The following TENM4 variants were observed in gnomAD, a reference collection of about 807,000 sequenced individuals.
TENM4 encodes the protein teneurin transmembrane protein 4.
In TENM4, 82 loss-of-function variants were observed where a neutral mutation model predicts 243.3. The ratio of observed to expected loss-of-function variants is 0.34; its 90% confidence interval spans 0.28 to 0.40. TENM4 has a LOEUF of 0.40. Ranked by LOEUF, TENM4 falls within the 10% of genes least tolerant of loss-of-function variation. The pLI is 1.00. For missense variants in TENM4, 3,138 were observed against 3,673.3 expected (o/e 0.85, Z 3.77); for synonymous variants, 1,412 against 1,456.3 (o/e 0.97, Z 0.69).
intron 3 of TENM4, among the ~76,000 whole-genome samples, chr11:79,207,819 T>C (rs145969055): frequency 5.1e-4 from 73 of 142,978 alleles, no homozygotes; most frequent in African/African-American, 2.0e-3. Flanking sequence ...TGAACAGAGA[T>C]TGTGTCACTG....
chr11:79,394,304 G>A lies in TENM4; in HGVS notation c.-321+46205C>T, dbSNP rs1858296578. Among the ~76,000 whole-genome samples, 3 of 152,288 alleles carry A rather than the reference G, an allele frequency of 2.0e-5. No homozygotes were observed. In the South Asian group the frequency reaches 6.2e-4, roughly 32 times the overall value. On this transcript the variant is annotated intron_variant, in intron 1 of 33. Transcript: ENST00000278550. ...GCCCTGTGGGGATGTGAGGAGGGTG[G>A]CATGCCTACCCCCGCATCCCAGCAG...
chr11:78,852,652 C>T (rs913251250), intron 12 of TENM4, among the ~76,000 whole-genome samples: 7 of 152,210 alleles, frequency 4.6e-5, no homozygotes, highest in African/African-American at 1.7e-4. Flanking sequence ...CACTGCACTC[C>T]GGCCCAGGCA....
intron 4 of TENM4, among the ~76,000 whole-genome samples, chr11:79,135,676 TATCA>T (rs934612640): frequency 2.7e-5 from 4 of 149,906 alleles, no homozygotes; most frequent in African/African-American, 9.8e-5. Context: ...ATATATGATA[TATCA>T]TATATGTATG....
At chr11:79,263,210 CT>C (rs1855828584) in intron 2 of TENM4, among the ~76,000 whole-genome samples, 1 of 152,228 alleles carries the variant, frequency 6.6e-6, no homozygotes, top group East Asian at 1.9e-4. Context: ...CTGTCCACAA[CT>C]GTGGGCCCCG....
chr11:78,789,433 C>T (rs765685507), intron 15 of TENM4, among the ~76,000 whole-genome samples: 21 of 152,158 alleles, frequency 1.4e-4, no homozygotes, highest in Non-Finnish European at 2.8e-4. Context: ...ATCTCCAGGC[C>T]CCAGGATATC....
chr11:79,122,342 C>T (rs572907652), intron 4 of TENM4, among the ~76,000 whole-genome samples: 2 of 152,288 alleles, frequency 1.3e-5, no homozygotes, highest in Admixed American at 6.5e-5. Flanking sequence ...TGGAGCTAAT[C>T]GTCCACTAGA....
chr11:78,838,439 G>A (rs1465563715), intron 12 of TENM4, among the ~76,000 whole-genome samples: 2 of 152,000 alleles, frequency 1.3e-5, no homozygotes, highest in South Asian at 2.1e-4. Flanking sequence ...CTTTTTCTTT[G>A]TGGTTTCTTC....
intron 29 of TENM4, among the ~76,000 whole-genome samples, chr11:78,677,249 C>CT (rs67423363): frequency 0.53 from 72,045 of 137,136 alleles, 20,980 homozygotes; most frequent in Non-Finnish European, 0.68. Context: ...AAGGGTTGAA[C>CT]TTTTTTTTTT....
At chr11:78,991,910 G>A (rs1858056596) in intron 6 of TENM4, among the ~76,000 whole-genome samples, 1 of 152,184 alleles carries the variant, frequency 6.6e-6, no homozygotes, top group Admixed American at 6.5e-5. Context: ...GGAACAGGAG[G>A]GGTGGCAGGA....
intron 6 of TENM4, among the ~76,000 whole-genome samples, chr11:78,992,473 A>G (rs1858070187): frequency 6.6e-6 from 1 of 152,208 alleles, no homozygotes; most frequent in Non-Finnish European, 1.5e-5. Flanking sequence ...GTTAGAAGAC[A>G]TAGCTCATTC....
intron 6 of TENM4, among the ~76,000 whole-genome samples, chr11:78,933,982 G>A (rs977121605): frequency 6.6e-6 from 1 of 152,118 alleles, no homozygotes; most frequent in Non-Finnish European, 1.5e-5. Context: ...TTCTCCTGGG[G>A]ATTCTAGCAC....
chr11:79,262,953 TC>T (rs1210849581), intron 2 of TENM4, among the ~76,000 whole-genome samples: 1 of 152,228 alleles, frequency 6.6e-6, no homozygotes, highest in Non-Finnish European at 1.5e-5. Context: ...CTCTCTCCCT[TC>T]CCTAACACCT....
At chr11:79,237,532 C>T (rs1233990142) in intron 2 of TENM4, among the ~76,000 whole-genome samples, 1 of 152,168 alleles carries the variant, frequency 6.6e-6, no homozygotes, top group East Asian at 1.9e-4. Flanking sequence ...CAAACATTAG[C>T]TGGGTGTGGT....
chr11:78,757,464 A>G (rs1856337584), intron 18 of TENM4, among the ~76,000 whole-genome samples: 1 of 152,236 alleles, frequency 6.6e-6, no homozygotes, highest in Admixed American at 6.5e-5. Context: ...CCCTCAGAAC[A>G]ATGGGAATCA....
chr11:79,255,838 A>G (rs997205615), intron 2 of TENM4, among the ~76,000 whole-genome samples: 1 of 152,188 alleles, frequency 6.6e-6, no homozygotes, highest in Admixed American at 6.5e-5. Flanking sequence ...TCTCTATTGA[A>G]GTAGAGATGT....
At chr11:79,408,426 C>A (rs757191345) in intron 1 of TENM4, among the ~76,000 whole-genome samples, 2 of 152,144 alleles carry the variant, frequency 1.3e-5, no homozygotes, top group Non-Finnish European at 2.9e-5. Flanking sequence ...CTTGATTTTT[C>A]CATTTGCTTT....
chr11:79,196,880 A>G (rs1220124971), intron 3 of TENM4, among the ~76,000 whole-genome samples: 2 of 152,176 alleles, frequency 1.3e-5, no homozygotes, highest in Non-Finnish European at 2.9e-5. Context: ...AGCCTCACTG[A>G]CAGAGCCTTG....
intron 1 of TENM4, among the ~76,000 whole-genome samples, chr11:79,413,346 T>G (rs1273603023): frequency 1.3e-5 from 2 of 152,004 alleles, no homozygotes; most frequent in Admixed American, 6.5e-5. Flanking sequence ...AAGCTGGCTG[T>G]GGACTGCAGG....
rs1855658432 is a variant in TENM4 at position 78,891,261 on chromosome 11, G to A, written c.825C>T (p.Arg275=). The A allele has an allele frequency of 6.4e-7, 1 of 1,551,584 alleles. No individual in the cohort carries two copies. Among genetic ancestry groups the A allele is most frequent in the Admixed American group, 2.0e-5 (1 of 50,990 alleles). The stretch of plus-strand genomic sequence containing the variant: ...ACCCGTCACTGTAAGCCCCATCATG[G>A]CGGGAGGCGCCGAGAATGTCCATCT... The part of the protein sequence containing the change: ...LIEMDILGAS[R]HDGAYSDGHF... Residue 275 remains arginine (R), a synonymous_variant, in exon 8 of 34, where the codon CGC becomes CGT. Transcript: ENST00000278550.
Sources: allele counts gnomAD v4.1 joint callset (sites outside exome capture counted in the v4.1 genomes callset), GRCh38; gene constraint gnomAD v4.1.1; transcripts MANE v1.5; gene names NCBI Gene and HGNC (gene_info 2026-07-23, HGNC 2026-07-21).